The following CIB1 variants were observed in gnomAD, a reference collection of about 807,000 sequenced individuals.
The protein encoded by CIB1 is calcium and integrin-binding protein 1.
Under a neutral mutation model 25.0 loss-of-function variants are expected in CIB1, and 19 were observed. That is an observed-to-expected ratio of 0.76 (90% CI 0.53 to 1.12). The LOEUF is 1.12. Among genes scored for constraint, CIB1 ranks in the 50% most tolerant of loss-of-function variants. CIB1 has a pLI of 0.00. For missense variants in CIB1, 236 were observed against 242.6 expected, an observed-to-expected ratio of 0.97 and a Z score of 0.18; for synonymous variants, 104 against 98.5, an observed-to-expected ratio of 1.06 and a Z score of -0.33.
At chr15:90,237,760 C>T (rs146882643), upstream of CIB1, among the ~76,000 whole-genome samples, 2,024 of 150,226 alleles carry the variant, frequency 0.013, 10 homozygotes, top group Non-Finnish European at 0.022. Flanking sequence ...TAAATTTTTT[C>T]GCCTGTCAGA....
chr15:90,257,365 CTG>C, the CIB1 span: 1 of 1,508,632 alleles, frequency 6.6e-7, no homozygotes, highest in Non-Finnish European at 8.9e-7. Flanking sequence ...AGGTTTGTCA[CTG>C]TCACCAAAGA....
the CIB1 span, chr15:90,265,045 A>T: frequency 1.4e-6 from 2 of 1,443,736 alleles, no homozygotes; most frequent in South Asian, 1.4e-5. Context: ...TGCTAAATGA[A>T]TGACTGCCAC....
chr15:90,245,482 A>AAAAAG, the CIB1 span: 15 of 152,018 alleles, frequency 9.9e-5, no homozygotes, highest in Non-Finnish European at 1.9e-4. Context: ...CAAAAAAAAA[A>AAAAAG]AAAAAGAAAA....
At chr15:90,245,663 G>A in the CIB1 span, 1 of 152,068 alleles carries the variant, frequency 6.6e-6, no homozygotes, top group South Asian at 2.1e-4. Flanking sequence ...TTACAGCAAA[G>A]TGGATTTTGC....
chr15:90,237,520 G>A (rs997813879), upstream of CIB1, among the ~76,000 whole-genome samples: 5 of 151,936 alleles, frequency 3.3e-5, no homozygotes, highest in Admixed American at 6.6e-5. Flanking sequence ...TCTTGACCTC[G>A]TGATTCACCT....
chr15:90,256,244 C>A, the CIB1 span: 7 of 1,614,030 alleles, frequency 4.3e-6, no homozygotes, highest in African/African-American at 5.3e-5. Flanking sequence ...TACCCGAAAT[C>A]CCCGGGAGAT....
chr15:90,241,874 A>G, the CIB1 span: 1 of 1,614,124 alleles, frequency 6.2e-7, no homozygotes, highest in African/African-American at 1.3e-5. Flanking sequence ...GCTTTGGGAT[A>G]AAGGACGGTG....
At chr15:90,254,190 T>TGTTGTTG in the CIB1 span, among the ~76,000 whole-genome samples, 30 of 90,982 alleles carry the variant, frequency 3.3e-4, no homozygotes, top group African/African-American at 1.0e-3. Context: ...GAGACCCTGT[T>TGTTGTTG]TTTTTTTTTT....
the CIB1 span, chr15:90,255,910 TGA>T: frequency 4.2e-5 from 67 of 1,613,930 alleles, no homozygotes; most frequent in Non-Finnish European, 5.3e-5. Context: ...CTTCCCATGC[TGA>T]GATACCAGGG....
the CIB1 span, among the ~76,000 whole-genome samples, chr15:90,260,408 G>A: frequency 6.6e-6 from 1 of 152,048 alleles, no homozygotes; most frequent in African/African-American, 2.4e-5. Context: ...GAGGTGAGAG[G>A]ATGGCTTCAG....
At chr15:90,251,821 C>T in the CIB1 span, among the ~76,000 whole-genome samples, 4 of 55,568 alleles carry the variant, frequency 7.2e-5, no homozygotes, top group African/African-American at 2.4e-4. Context: ...TCACAGTAAA[C>T]AAGAAAAAAA....
the CIB1 span, among the ~76,000 whole-genome samples, chr15:90,256,561 CTT>C: frequency 7.5e-5 from 3 of 40,248 alleles, no homozygotes; most frequent in Non-Finnish European, 9.4e-5. Context: ...TTCTTTCTTT[CTT>C]TCTTTCTTTC....
At chr15:90,242,434 T>C in the CIB1 span, 1 of 33,350 alleles carries the variant, frequency 3.0e-5, no homozygotes, top group Non-Finnish European at 5.2e-5. Context: ...TCTGTTTCTT[T>C]TTTTTTTTTT....
the CIB1 span, chr15:90,258,618 C>T: frequency 1.2e-6 from 1 of 809,800 alleles, no homozygotes; most frequent in Non-Finnish European, 2.0e-6. Context: ...GAAGCCAGAG[C>T]ATCCAGCCTC....
chr15:90,234,174 G>A, upstream of CIB1: 1 of 245,368 alleles, frequency 4.1e-6, no homozygotes, highest in Non-Finnish European at 7.5e-6. Flanking sequence ...TGGGAGGGGG[G>A]GGCGGGCCAC....
chr15:90,256,164 G>A, the CIB1 span: 2 of 1,614,148 alleles, frequency 1.2e-6, no homozygotes, highest in Non-Finnish European at 1.7e-6. Flanking sequence ...CAGTCCTACG[G>A]TCGTCAGCGA....
At chr15:90,263,096 G>C in the CIB1 span, 45 of 1,535,978 alleles carry the variant, frequency 2.9e-5, no homozygotes, top group East Asian at 7.3e-5. Context: ...CAGCTCACCC[G>C]TCTGCAGCAC....
chr15:90,264,723 G>C, the CIB1 span: 1 of 1,535,902 alleles, frequency 6.5e-7, no homozygotes, highest in East Asian at 2.4e-5. Context: ...ACTGCAGAAG[G>C]ACAAGCCAGC....
chr15:90,262,505 G>A, the CIB1 span: 1 of 1,501,242 alleles, frequency 6.7e-7, no homozygotes, highest in South Asian at 1.3e-5. Flanking sequence ...GCAACTAGAG[G>A]AGATCCGCCT....
Sources: allele counts gnomAD v4.1 joint callset (sites outside exome capture counted in the v4.1 genomes callset), GRCh38; gene constraint gnomAD v4.1.1; transcripts MANE v1.5; gene names NCBI Gene and HGNC (gene_info 2026-07-23, HGNC 2026-07-21).